ARHGAP15: variants seen among roughly 807,000 people sequenced by gnomAD.
ARHGAP15 encodes the protein Rho GTPase activating protein 15, also known as rho GTPase-activating protein 15.
ARHGAP15 carries 51 observed loss-of-function variants against 63.7 expected under a neutral mutation model. The ratio of observed to expected loss-of-function variants is 0.80; its 90% CI spans 0.64 to 1.01. The LOEUF (loss-of-function observed/expected upper bound fraction) is 1.01, where lower values mean the gene tolerates loss of function less well. ARHGAP15 is among the 50% of genes least tolerant of loss of function. ARHGAP15 has a pLI of 0.00. For synonymous variants in ARHGAP15, 191 were observed against 193.8 expected (o/e 0.99, Z 0.12); for missense variants, 560 against 564.6 (o/e 0.99, Z 0.08).
intron 2 of ARHGAP15, among the ~76,000 whole-genome samples, chr2:143,197,222 A>G: frequency 6.6e-6 from 1 of 152,008 alleles, no homozygotes; most frequent in East Asian, 1.9e-4. Context: ...TTGATCACTT[A>G]CTATTAGAAA....
chr2:143,275,492 C>T (rs913954188), intron 6 of ARHGAP15, among the ~76,000 whole-genome samples: 2 of 152,184 alleles, frequency 1.3e-5, no homozygotes, highest in African/African-American at 2.4e-5. Flanking sequence ...TTCAAATAGA[C>T]ACATTAACAA....
intron 8 of ARHGAP15, among the ~76,000 whole-genome samples, chr2:143,467,242 C>CTTTTTTTTTT (rs202115707): frequency 1.7e-4 from 10 of 57,902 alleles, no homozygotes; most frequent in Admixed American, 2.5e-4. Flanking sequence ...ACTCCATGGC[C>CTTTTTTTTTT]TTTTTTTTTT....
At chr2:143,416,539 AT>A (rs1363918790) in intron 6 of ARHGAP15, among the ~76,000 whole-genome samples, 3 of 151,936 alleles carry the variant, frequency 2.0e-5, no homozygotes, top group Non-Finnish European at 4.4e-5. Flanking sequence ...GCTTGCCTGG[AT>A]TTTGTTGTTG....
intron 6 of ARHGAP15, among the ~76,000 whole-genome samples, chr2:143,341,381 G>A (rs1685050911): frequency 1.3e-5 from 2 of 152,098 alleles, no homozygotes; most frequent in Admixed American, 1.3e-4. Flanking sequence ...CAACTTTATA[G>A]GTGAAGCTAA....
intron 8 of ARHGAP15, among the ~76,000 whole-genome samples, chr2:143,472,195 A>T (rs1691609266): frequency 6.6e-6 from 1 of 152,148 alleles, no homozygotes; most frequent in Non-Finnish European, 1.5e-5. Context: ...CATTTATCAA[A>T]TCAGACCTCC....
At chr2:143,746,047 T>C (rs531297993) in intron 13 of ARHGAP15, among the ~76,000 whole-genome samples, 2 of 152,320 alleles carry the variant, frequency 1.3e-5, no homozygotes, top group East Asian at 1.9e-4. Flanking sequence ...TGTGGGTCAG[T>C]TGACCTCACG....
chr2:143,643,588 T>C (rs2105279728), intron 12 of ARHGAP15, among the ~76,000 whole-genome samples: 1 of 152,170 alleles, frequency 6.6e-6, no homozygotes, highest in African/African-American at 2.4e-5. Flanking sequence ...GGAATCTCTT[T>C]TTACAAGCTC....
intron 2 of ARHGAP15, among the ~76,000 whole-genome samples, chr2:143,200,256 C>T (rs753207205): frequency 6.6e-6 from 1 of 152,016 alleles, no homozygotes; most frequent in Non-Finnish European, 1.5e-5. Flanking sequence ...ACCTGTGAAG[C>T]GAACATTGGG....
chr2:143,750,786 A>G (rs951129247), intron 13 of ARHGAP15, among the ~76,000 whole-genome samples: 1 of 152,216 alleles, frequency 6.6e-6, no homozygotes, highest in African/African-American at 2.4e-5. Flanking sequence ...TGAATGTTCC[A>G]CAGATGATAT....
At chr2:143,392,761 C>A (rs577084157) in intron 6 of ARHGAP15, among the ~76,000 whole-genome samples, 1 of 152,212 alleles carries the variant, frequency 6.6e-6, no homozygotes, top group East Asian at 1.9e-4. Context: ...AGAAAAAATT[C>A]TGTACAGTAC....
chr2:143,578,183 C>T (rs1344012040), intron 11 of ARHGAP15, among the ~76,000 whole-genome samples: 2 of 152,042 alleles, frequency 1.3e-5, no homozygotes, highest in Admixed American at 6.6e-5. Context: ...AGTGTGGACC[C>T]TCATATGTCC....
intron 12 of ARHGAP15, among the ~76,000 whole-genome samples, chr2:143,659,328 TGTG>T (rs759687439): frequency 2.8e-4 from 42 of 152,308 alleles, no homozygotes; most frequent in African/African-American, 8.2e-4. Flanking sequence ...TTACTTTACT[TGTG>T]GTAACTATTA....
At chr2:143,765,777 C>T (rs1239722257) in intron 13 of ARHGAP15, among the ~76,000 whole-genome samples, 1 of 152,096 alleles carries the variant, frequency 6.6e-6, no homozygotes, top group African/African-American at 2.4e-5. Context: ...GATGCTTCCA[C>T]AGGTACTGGA....
intron 13 of ARHGAP15, among the ~76,000 whole-genome samples, chr2:143,722,191 TCACACACACACA>T (rs139484994): frequency 6.7e-6 from 1 of 149,476 alleles, no homozygotes; most frequent in Non-Finnish European, 1.5e-5. Context: ...ACACACACAC[TCACACACACACA>T]CACGGCAAGA....
chr2:143,678,904 A>C (rs566558702), intron 12 of ARHGAP15, among the ~76,000 whole-genome samples: 4 of 152,354 alleles, frequency 2.6e-5, no homozygotes, highest in African/African-American at 9.6e-5. Flanking sequence ...AATAATATCT[A>C]TGAAAGCATA....
chr2:143,142,043 A>G (rs542727463), intron 1 of ARHGAP15, among the ~76,000 whole-genome samples: 16 of 152,152 alleles, frequency 1.1e-4, no homozygotes, highest in African/African-American at 3.6e-4. Context: ...AGTTTGCCAC[A>G]TTTTATGAAT....
At chr2:143,596,891 A>G (rs1422832933) in intron 11 of ARHGAP15, among the ~76,000 whole-genome samples, 1 of 152,170 alleles carries the variant, frequency 6.6e-6, no homozygotes. Flanking sequence ...AGAGGTATCT[A>G]TGTATCTTCA....
intron 10 of ARHGAP15, among the ~76,000 whole-genome samples, chr2:143,544,947 A>G (rs370790236): frequency 1.3e-5 from 2 of 152,208 alleles, no homozygotes; most frequent in African/African-American, 4.8e-5. Context: ...AGGAAGCTCA[A>G]ATGTCTCAGC....
chr2:143,754,613 A>G (rs1368066839), intron 13 of ARHGAP15, among the ~76,000 whole-genome samples: 1 of 152,198 alleles, frequency 6.6e-6, no homozygotes, highest in Non-Finnish European at 1.5e-5. Context: ...AAGAATACAG[A>G]TCTGTCTGAT....
Sources: gnomAD v4.1 joint callset for allele counts (sites outside exome capture counted in the v4.1 genomes callset) on GRCh38, gnomAD v4.1.1 for gene constraint, MANE v1.5 for transcripts, NCBI Gene and HGNC (gene_info 2026-07-23, HGNC 2026-07-21) for gene names.